The following PPAN variants were observed in gnomAD, a reference collection of about 807,000 sequenced individuals.
The protein encoded by PPAN is peter pan homolog.
In PPAN, 39 loss-of-function variants were observed where a neutral mutation model predicts 48.5. That is an observed-to-expected ratio of 0.80 (90% CI 0.62 to 1.05). The LOEUF (loss-of-function observed/expected upper bound fraction) is 1.05. PPAN is among the 50% of genes least tolerant of loss of function. The probability of loss-of-function intolerance (pLI) is 0.00; values close to 1 mark genes in which losing one functional copy is unlikely to be tolerated. For missense variants in PPAN, 736 were observed against 661.7 expected (o/e 1.11, Z -1.23); for synonymous variants, 315 against 268.6 (o/e 1.17, Z -1.69).
intron 5 of PPAN, among the ~76,000 whole-genome samples, chr19:10,109,110 C>T (rs1056693287): frequency 4.6e-5 from 7 of 151,880 alleles, no homozygotes; most frequent in South Asian, 2.1e-4. Flanking sequence ...TACAGGTGCC[C>T]GCCACCACAC....
In PPAN at chr19:10,111,422, C is replaced by T; in HGVS notation, c.*257C>T. 1.6e-6 allele frequency: 1 copy of T among 633,484 alleles called. No individual in the cohort carries two copies. Among genetic ancestry groups the T allele is most frequent in the African/African-American group, 1.8e-5 (1 of 54,518 alleles). 39.2% of individuals were successfully genotyped at this position (633,484 alleles called of 1,614,324 possible). ...TCTTCCTGGAAGCTGGGTCTCTCCC[C>T]TACCCTGCACGGGGTTGGTTTCATT... On this transcript the variant is annotated 3_prime_UTR_variant, in exon 12 of 12. Transcript: ENST00000253107.
At chr19:10,107,268 C>T (rs773932124) in intron 2 of PPAN, among the ~76,000 whole-genome samples, 29 of 152,158 alleles carry the variant, frequency 1.9e-4, no homozygotes, top group Middle Eastern at 3.2e-3. Flanking sequence ...AGTTACTTAA[C>T]CTCTCTGGGC....
chr19:10,110,733 C>G lies in PPAN; in HGVS notation c.1068C>G (p.Val356=). 1 of 1,613,696 alleles carries G rather than the reference C, an allele frequency of 6.2e-7. No homozygotes were observed. Among genetic ancestry groups the G allele is most frequent in the Non-Finnish European group, 8.5e-7 (1 of 1,179,948 alleles). ...TGGAGGGCATGAAGAAGGCACGGGT[C>G]GGGGGTAGTGATGAAGAGGCCTCTG... ...KSLEGMKKAR[V]GGSDEEASGI... Residue 356 remains valine, a synonymous_variant, in exon 11 of 12, where the codon GTC becomes GTG. Coordinates refer to ENST00000253107, the MANE Select transcript of PPAN (RefSeq NM_020230.7). The surrounding 1 kb of genome is among the most constrained non-coding windows in gnomAD (Gnocchi z 5.9).
rs768050754 is a variant in PPAN at position 10,110,366 on chromosome 19, G to A, written c.865G>A (p.Gly289Ser). 2 of 1,613,824 alleles carry A rather than the reference G, an allele frequency of 1.2e-6. No homozygotes were observed. Among genetic ancestry groups the A allele is most frequent in the Admixed American group, 1.7e-5 (1 of 60,022 alleles). ...ACTGCAGCTCATCAAGGTCCAGGAG[G>A]GCGTCGGGGAGGGCAAAGTGATGTT... Reference protein sequence around the residue: ...MTLQLIKVQEGVGEGKVMFHS... With the variant: ...MTLQLIKVQESVGEGKVMFHS... The change falls in exon 9 of 12, where the codon GGC becomes AGC. Residue 289 changes from glycine to serine, a missense_variant. By Grantham distance (56) the Gly-to-Ser change is moderately conservative. Transcript: ENST00000253107. This position sits in a 1 kb window ranked among gnomAD's most constrained non-coding sequence, Gnocchi z 5.9.
At chr19:10,108,323 C>T (rs1361035767) in intron 5 of PPAN, among the ~76,000 whole-genome samples, 189 bp downstream of exon 5, 3 of 152,136 alleles carry the variant, frequency 2.0e-5, no homozygotes, top group African/African-American at 7.2e-5. Context: ...ATTCCCCCAG[C>T]GGTCCACACC....
chr19:10,111,673 G>A lies in PPAN; in HGVS notation c.*508G>A, dbSNP rs1389690023. ...ACTAAGCCACTGGTGACTGGGGGAG[G>A]GGCTGGGGAACTGGGTAGCAGACAC... On this transcript the variant is annotated 3_prime_UTR_variant, in exon 12 of 12. Transcript: ENST00000253107. 1.2e-6 allele frequency: 2 copies of A among 1,612,958 alleles called. No individual in the cohort carries two copies. Among genetic ancestry groups the A allele is most frequent in the South Asian group, 1.1e-5 (1 of 91,044 alleles).
At chr19:10,106,872 C>CA (rs2145196910) in intron 2 of PPAN, 2 of 852,566 alleles carry the variant, frequency 2.3e-6, no homozygotes, top group East Asian at 5.4e-5. Flanking sequence ...GATAGATAGT[C>CA]GCCTAAGCCT....
chr19:10,109,818 C>T (rs746277045), intron 6 of PPAN, 95 bp from the exon 7 acceptor site: 272 of 1,590,478 alleles, frequency 1.7e-4, no homozygotes, highest in Middle Eastern at 1.2e-3. Context: ...CCAAAGTAAA[C>T]GCCCTGACGC....
Position 10,106,548 on chromosome 19 carries a change from C to A in PPAN, c.66C>A (p.Leu22=). The A allele has an allele frequency of 6.4e-7, 1 of 1,553,930 alleles. No homozygotes were observed. Among genetic ancestry groups the A allele is most frequent in the Admixed American group, 1.9e-5 (1 of 51,604 alleles). ...GCGCCCAGGCGCAGCTCCGCAACCTCGAGGCCTATGCCGCGAACCCGCACT... is the reference window on the plus strand; with the variant it reads ...GCGCCCAGGCGCAGCTCCGCAACCTAGAGGCCTATGCCGCGAACCCGCACT... The part of the protein sequence containing the change: ...RARAQAQLRN[L]EAYAANPHSF... The change falls in exon 2 of 12, where the codon CTC becomes CTA. Residue 22 remains leucine, a synonymous_variant. Transcript: ENST00000253107.
chr19:10,111,548 A>C lies in PPAN; in HGVS notation c.*383A>C. ...TCAGCAGATGAGCTTGAACCTCAGG[A>C]GGGTTGTGGCACAATGAGGAAGGAA... is the stretch of plus-strand genomic sequence containing the variant. On this transcript the variant is annotated 3_prime_UTR_variant, in exon 12 of 12. Transcript: ENST00000253107. 1.4e-6 allele frequency: 1 copy of C among 737,938 alleles called. No individual in the cohort carries two copies. Among genetic ancestry groups the C allele is most frequent in the Non-Finnish European group, 2.3e-6 (1 of 435,402 alleles). 45.7% of individuals were successfully genotyped at this position (737,938 alleles called of 1,614,324 possible).
chr19:10,109,856 C>A, intron 6 of PPAN, 57 bp from the exon 7 acceptor site: 1 of 1,605,558 alleles, frequency 6.2e-7, no homozygotes, highest in African/African-American at 1.3e-5. Context: ...ATGGGCACCG[C>A]CAGCCCCATC....
chr19:10,110,342 C>T lies in PPAN; in HGVS notation c.841C>T (p.Leu281=), dbSNP rs138578033. Reference sequence around the variant, plus strand: ...CCCTCAGATCGGCCCGCGGATGACACTGCAGCTCATCAAGGTCCAGGAGGG... The same window carrying T: ...CCCTCAGATCGGCCCGCGGATGACATTGCAGCTCATCAAGGTCCAGGAGGG... ...RLTEIGPRMT[L]QLIKVQEGVG... is the part of the protein sequence containing the mutation. Residue 281 remains leucine, a synonymous_variant, in exon 9 of 12, where the codon CTG becomes TTG. Coordinates refer to ENST00000253107, the MANE Select transcript of PPAN (RefSeq NM_020230.7). This position sits in a 1 kb window ranked among gnomAD's most constrained non-coding sequence, Gnocchi z 5.9. 9.3e-6 allele frequency: 15 copies of T among 1,613,664 alleles called. No homozygotes were observed. In the Admixed American group the frequency reaches 2.2e-4, roughly 23 times the overall value.
At position 10,110,342 on chromosome 19, in the gene PPAN, C is replaced by G. The variant is rs138578033; in HGVS notation, c.841C>G (p.Leu281Val). ...RLTEIGPRMTLQLIKVQEGVG... is the reference protein window; with the variant it reads ...RLTEIGPRMTVQLIKVQEGVG... ...CCCTCAGATCGGCCCGCGGATGACA[C>G]TGCAGCTCATCAAGGTCCAGGAGGG... Residue 281 changes from leucine (L) to valine (V), a missense_variant, in exon 9 of 12, where the codon CTG becomes GTG. Transcript: ENST00000253107. This position sits in a 1 kb window ranked among gnomAD's most constrained non-coding sequence, Gnocchi z 5.9. 2 of 1,613,782 alleles carry G rather than the reference C, an allele frequency of 1.2e-6. No individual in the cohort carries two copies. Among genetic ancestry groups the G allele is most frequent in the African/African-American group, 1.3e-5 (1 of 75,004 alleles).
chr19:10,109,887 C>T (rs2088984309), intron 6 of PPAN, 26 bp from the exon 7 acceptor site: 2 of 1,612,486 alleles, frequency 1.2e-6, no homozygotes, highest in Non-Finnish European at 1.7e-6. Flanking sequence ...TGACCACCCC[C>T]TTGCCGTCCA....
rs576171659 is a variant in PPAN at position 10,111,938 on chromosome 19, C to T, written c.*773C>T. Among the ~76,000 whole-genome samples the T allele has an allele frequency of 6.6e-6, 1 of 152,134 alleles. No homozygotes were observed. The highest frequency in any genetic ancestry group is 1.5e-5 in the Non-Finnish European group (1 of 67,996). ...CACCCTGACCAACAAGGAGAAACCCCGTCTCTACTAAAAATAAAAAAATTA... is the reference window on the plus strand; with the variant it reads ...CACCCTGACCAACAAGGAGAAACCCTGTCTCTACTAAAAATAAAAAAATTA... On this transcript the variant is annotated 3_prime_UTR_variant, in exon 12 of 12. Transcript: ENST00000253107.
intron 5 of PPAN, 44 bp downstream of exon 5, chr19:10,108,178 G>T: frequency 6.4e-7 from 1 of 1,565,886 alleles, no homozygotes; most frequent in Admixed American, 1.9e-5. Context: ...GGGGTGCAGC[G>T]GATAGAGGTG....
intron 5 of PPAN, among the ~76,000 whole-genome samples, chr19:10,109,335 TC>T (rs931897589): frequency 1.3e-5 from 2 of 152,078 alleles, no homozygotes; most frequent in African/African-American, 4.8e-5. Context: ...TCCTGCAGCC[TC>T]CGCTTCCCGA....
intron 6 of PPAN, 53 bp downstream of exon 6, chr19:10,109,760 C>G: frequency 1.9e-6 from 3 of 1,597,626 alleles, no homozygotes; most frequent in Non-Finnish European, 2.6e-6. Flanking sequence ...GGGGCCTCCA[C>G]ATGCGGCTGA....
At position 10,109,653 on chromosome 19, in the gene PPAN, G is replaced by T; in HGVS notation, c.536G>T (p.Arg179Leu). 6.2e-7 allele frequency: 1 copy of T among 1,613,818 alleles called. No homozygotes were observed. Among genetic ancestry groups the T allele is most frequent in the Non-Finnish European group, 8.5e-7 (1 of 1,179,886 alleles). The change falls in exon 6 of 12, where the codon CGC (arginine) becomes CTC (leucine). Residue 179 changes from arginine (R) to leucine (L), a missense_variant. Transcript: ENST00000253107. ...CAGGTGAACCTGAACACCATCAAGC[G>T]CTGCCTCCTCATCGACTACAACCCC... ...VHKVNLNTIK[R>L]CLLIDYNPDS...
Sources: allele counts gnomAD v4.1 joint callset (sites outside exome capture counted in the v4.1 genomes callset), GRCh38; gene constraint gnomAD v4.1.1; non-coding constraint Gnocchi (gnomAD v3.1); transcripts MANE v1.5; gene names NCBI Gene and HGNC (gene_info 2026-07-23, HGNC 2026-07-21).